Variants in PCDHA8 observed in about 807,000 individuals in gnomAD.
PCDHA8 encodes the protein protocadherin alpha-8.
A neutral mutation model predicts 61.8 loss-of-function variants in PCDHA8; 53 were observed. The ratio of observed to expected loss-of-function variants is 0.86; its 90% CI spans 0.69 to 1.08. The LOEUF is 1.08. Among genes scored for constraint, PCDHA8 ranks in the 50% least tolerant of loss-of-function variants. The pLI, the probability that PCDHA8 is intolerant of heterozygous loss-of-function variation, is 0.00. For missense variants in PCDHA8, 1,293 were observed against 1,245.0 expected (o/e 1.04, Z -0.58); for synonymous variants, 618 against 556.6 (o/e 1.11, Z -1.55).
intron 3 of PCDHA8, among the ~76,000 whole-genome samples, chr5:140,994,539 CA>C (rs35651294): frequency 0.48 from 72,467 of 151,372 alleles, 18,531 homozygotes; most frequent in African/African-American, 0.67. Flanking sequence ...CCCATCTCTA[CA>C]AAAAAAATAT....
intron 1 of PCDHA8, chr5:140,882,629 G>A: frequency 6.2e-7 from 1 of 1,614,254 alleles, no homozygotes; most frequent in Admixed American, 1.7e-5. Context: ...CCATGTGGAG[G>A]TGAAGGTGAG....
At chr5:140,926,409 C>G (rs1426750263) in intron 1 of PCDHA8, 3 of 152,670 alleles carry the variant, frequency 2.0e-5, no homozygotes, top group Admixed American at 6.5e-5. Context: ...CAGCAATCTG[C>G]GGGCAGAGGA....
intron 1 of PCDHA8, among the ~76,000 whole-genome samples, chr5:140,844,268 C>G (rs1440274573): frequency 6.7e-6 from 1 of 149,334 alleles, no homozygotes; most frequent in Non-Finnish European, 1.5e-5. Context: ...TGATAAAATA[C>G]AGAATGATAG....
chr5:140,848,365 A>T, intron 1 of PCDHA8: 1 of 1,070,202 alleles, frequency 9.3e-7, no homozygotes, highest in Non-Finnish European at 1.4e-6. Flanking sequence ...CATGGGAAAG[A>T]GGCTCAATTC....
chr5:140,922,898 T>A (rs916788135), intron 1 of PCDHA8, among the ~76,000 whole-genome samples: 2 of 152,022 alleles, frequency 1.3e-5, no homozygotes, highest in African/African-American at 4.8e-5. Flanking sequence ...CAAGAAAAAA[T>A]TTTGAGATAC....
At chr5:140,927,641 CTG>C (rs782418145) in intron 1 of PCDHA8, 23 of 1,614,074 alleles carry the variant, frequency 1.4e-5, no homozygotes, top group Non-Finnish European at 1.4e-5. Flanking sequence ...CCCAATGGGA[CTG>C]TGTTATTCCG....
At chr5:140,862,093 G>C (rs1554155665) in intron 1 of PCDHA8, 1 of 156,518 alleles carries the variant, frequency 6.4e-6, no homozygotes, top group African/African-American at 2.4e-5. Flanking sequence ...GCCCTTTTTC[G>C]CATAGATTCA....
At chr5:140,911,396 G>C (rs1348303429) in intron 1 of PCDHA8, among the ~76,000 whole-genome samples, 1 of 152,104 alleles carries the variant, frequency 6.6e-6, no homozygotes, top group Non-Finnish European at 1.5e-5. Context: ...TTTCATTGCA[G>C]GTCAGCCACT....
chr5:140,869,745 T>C (rs1407210744), intron 1 of PCDHA8: 3 of 1,613,220 alleles, frequency 1.9e-6, no homozygotes, highest in Non-Finnish European at 2.5e-6. Context: ...TGCTAACAGC[T>C]ACAGACGGGG....
At chr5:140,923,714 A>G (rs1396629400) in intron 1 of PCDHA8, among the ~76,000 whole-genome samples, 7 of 152,250 alleles carry the variant, frequency 4.6e-5, no homozygotes, top group African/African-American at 1.4e-4. Context: ...TACTTGAATA[A>G]GAATGCAATG....
rs2098422397 is a variant in PCDHA8 at position 141,011,934 on chromosome 5, T to C, written c.*1997T>C. The C allele has an allele frequency of 6.5e-6, 1 of 153,836 alleles. No homozygotes were observed. The highest frequency in any genetic ancestry group is 6.5e-5 in the Admixed American group (1 of 15,306). The allele number at this position is 153,836 out of a possible 1,614,324, so 9.5% of individuals were successfully genotyped here. On this transcript the variant is annotated 3_prime_UTR_variant, in exon 4 of 4. Transcript: ENST00000531613. ...TAATATAAAAGAGGTAGGAGTCTGT[T>C]ATTTAAAAAAAGCATTAAATTTAAA...
Position 140,850,981 on chromosome 5 carries a change from T to C in PCDHA8, c.2394+7266T>C, listed in dbSNP as rs1554145152. ...CCAGGGGCCGTTCAAATAGTTTTATTCATTTTTCTAGAAATCCAGCAGATT... is the reference window on the plus strand; with the variant it reads ...CCAGGGGCCGTTCAAATAGTTTTATCCATTTTTCTAGAAATCCAGCAGATT... On this transcript the variant is annotated intron_variant, in intron 1 of 3. Coordinates refer to ENST00000531613, the MANE Select transcript of PCDHA8 (RefSeq NM_018911.3). 1.3e-5 allele frequency: 19 copies of C among 1,453,220 alleles called. No individual in the cohort carries two copies. In the East Asian group the frequency reaches 4.5e-4, roughly 35 times the overall value. 90.0% of individuals were successfully genotyped at this position (1,453,220 alleles called of 1,614,324 possible). A position where few individuals can be genotyped will look rare whatever the true frequency, so the allele number is the denominator to read the frequency against.
chr5:140,857,478 C>G (rs782202072), intron 1 of PCDHA8: 1 of 1,598,590 alleles, frequency 6.3e-7, no homozygotes, highest in Non-Finnish European at 8.6e-7. Context: ...TTCACGGTGT[C>G]TGCGTGGGAC....
intron 1 of PCDHA8, among the ~76,000 whole-genome samples, chr5:140,893,419 G>A (rs2063984571): frequency 6.6e-6 from 1 of 152,158 alleles, no homozygotes; most frequent in African/African-American, 2.4e-5. Context: ...TAGGGAGGCA[G>A]AGGCAGGAAG....
intron 3 of PCDHA8, among the ~76,000 whole-genome samples, chr5:140,990,310 C>A (rs1371432693): frequency 3.9e-5 from 6 of 152,110 alleles, no homozygotes; most frequent in African/African-American, 1.2e-4. Context: ...CTGTAAAAAA[C>A]CAACCAAACA....
chr5:140,902,211 T>C (rs1256912603), intron 1 of PCDHA8, among the ~76,000 whole-genome samples: 4 of 150,332 alleles, frequency 2.7e-5, no homozygotes, highest in African/African-American at 9.8e-5. Context: ...TTCTTTTTTT[T>C]TTTTTTTTTT....
Position 140,850,162 on chromosome 5 carries a change from T to A in PCDHA8, c.2394+6447T>A. On this transcript the variant is annotated intron_variant, in intron 1 of 3. Transcript: ENST00000531613. ...AACGTGACGCTGCAGGTGTTCGTGCTGGACGAGAACGACAATGCGCCGGCG... is the reference window on the plus strand; with the variant it reads ...AACGTGACGCTGCAGGTGTTCGTGCAGGACGAGAACGACAATGCGCCGGCG... 8.8e-6 allele frequency: 14 copies of A among 1,595,026 alleles called. 2 individuals carry two copies. The highest frequency in any genetic ancestry group is 1.2e-5 in the Non-Finnish European group (14 of 1,167,802).
At chr5:140,932,899 CAAT>C (rs1317207926) in intron 1 of PCDHA8, among the ~76,000 whole-genome samples, 2 of 151,832 alleles carry the variant, frequency 1.3e-5, no homozygotes, top group Non-Finnish European at 3.0e-5. Context: ...TAGAGGGAAA[CAAT>C]AATATTTCAA....
chr5:140,841,712 C>T lies in PCDHA8; in HGVS notation c.391C>T (p.Pro131Ser), dbSNP rs1444200684. The T allele has an allele frequency of 9.9e-6, 16 of 1,613,754 alleles. No individual in the cohort carries two copies. Among genetic ancestry groups the T allele is most frequent in the Non-Finnish European group, 1.4e-5 (16 of 1,179,878 alleles). ...VEVKDVNDNP[P>S]VFRVKDQKLF... ...GGTGAAGGATGTTAATGACAACCCG[C>T]CAGTGTTCCGGGTAAAAGACCAAAA... Residue 131 changes from proline to serine, a missense_variant, in exon 1 of 4, where the codon CCA becomes TCA. Pro to Ser is a moderately conservative substitution (Grantham distance 74). Coordinates refer to ENST00000531613, the MANE Select transcript of PCDHA8 (RefSeq NM_018911.3).
Sources: gnomAD v4.1 joint callset for allele counts (sites outside exome capture counted in the v4.1 genomes callset) on GRCh38, gnomAD v4.1.1 for gene constraint, MANE v1.5 for transcripts, NCBI Gene and HGNC (gene_info 2026-07-23, HGNC 2026-07-21) for gene names.